Variants in CFAP298 observed in about 807,000 individuals in gnomAD.
CFAP298 encodes the protein cilia and flagella associated protein 298.
CFAP298 carries 38 observed loss-of-function variants against 41.0 expected under a neutral mutation model. The observed-to-expected ratio is 0.93, with a 90% CI of 0.72 to 1.22. The LOEUF is 1.22. Among genes scored for constraint, CFAP298 ranks in the 50% most tolerant of loss-of-function variants. The probability of loss-of-function intolerance (pLI) is 0.00; values close to 1 mark genes in which losing one functional copy is unlikely to be tolerated. For synonymous variants in CFAP298, 137 were observed against 135.3 expected, an observed-to-expected ratio of 1.01 and a Z score of -0.09; for missense variants, 348 against 360.3, an observed-to-expected ratio of 0.97 and a Z score of 0.28.
intron 5 of CFAP298, chr21:32,602,798 C>T: frequency 7.4e-7 from 1 of 1,357,214 alleles, no homozygotes; most frequent in Non-Finnish European, 9.4e-7. Flanking sequence ...TCGAACCTTT[C>T]CTCCTCCCCC....
chr21:32,600,913 CCTT>C lies in CFAP298; in HGVS notation c.*947_*949del, dbSNP rs2038723431. Among the ~76,000 whole-genome samples the C allele has an allele frequency of 6.6e-6, 1 of 152,232 alleles. No individual in the cohort carries two copies. Among genetic ancestry groups the C allele is most frequent in the Admixed American group, 6.5e-5 (1 of 15,278 alleles). Reference sequence around the variant, plus strand: ...AAAGTCAGATGAGTTTGCTACTCAACCTTCATCATGGTTGTAGCTTTCGCTCCC... The same window carrying C: ...AAAGTCAGATGAGTTTGCTACTCAACCATCATGGTTGTAGCTTTCGCTCCC... On this transcript the variant is annotated 3_prime_UTR_variant, in exon 7 of 7. Transcript: ENST00000290155.
At chr21:32,609,536 C>T (rs2038941446) in intron 2 of CFAP298, among the ~76,000 whole-genome samples, 1 of 152,122 alleles carries the variant, frequency 6.6e-6, no homozygotes, top group South Asian at 2.1e-4. Flanking sequence ...AGGCCGAGAC[C>T]GGCAGATCAT....
intron 2 of CFAP298, 140 bp from the exon 3 acceptor site, chr21:32,607,856 A>C (rs2038902387): frequency 1.7e-6 from 1 of 576,082 alleles, no homozygotes; most frequent in Non-Finnish European, 3.0e-6. Context: ...GAAGAGAAGC[A>C]AGAAACCTGG....
Position 32,602,126 on chromosome 21 carries a change from G to C in CFAP298, c.762+146C>G, listed in dbSNP as rs1210585278. On this transcript the variant is annotated intron_variant, in intron 6 of 6. Coordinates refer to ENST00000290155, the MANE Select transcript of CFAP298 (RefSeq NM_021254.4). ...TCTAACACCAGGGGACACCTGGCAGGACCCCGACAGACCTGCAGACAGAAG... is the reference window on the plus strand; with the variant it reads ...TCTAACACCAGGGGACACCTGGCAGCACCCCGACAGACCTGCAGACAGAAG... 11 of 882,992 alleles carry C rather than the reference G, an allele frequency of 1.2e-5. No homozygotes were observed. In the Admixed American group the frequency reaches 2.1e-4, roughly 17 times the overall value. 54.7% of individuals were successfully genotyped at this position (882,992 alleles called of 1,614,324 possible). A position where few individuals can be genotyped will look rare whatever the true frequency, so the allele number is the denominator to read the frequency against.
At position 32,604,239 on chromosome 21, in the gene CFAP298, T is replaced by C. The variant is rs2038817019; in HGVS notation, c.420A>G (p.Lys140=). 1 of 1,614,122 alleles carries C rather than the reference T, an allele frequency of 6.2e-7. No individual in the cohort carries two copies. Among genetic ancestry groups the C allele is most frequent in the East Asian group, 2.2e-5 (1 of 44,862 alleles). Residue 140 remains lysine, a synonymous_variant, in exon 4 of 7, where the codon AAA becomes AAG. Coordinates refer to ENST00000290155, the MANE Select transcript of CFAP298 (RefSeq NM_021254.4). Reference sequence around the variant, plus strand: ...CGCCTCGAAGCTGGTCCAAGGCATCTTTCACCATCTCCATGGTAACACAGA... The same window carrying C: ...CGCCTCGAAGCTGGTCCAAGGCATCCTTCACCATCTCCATGGTAACACAGA... The part of the protein sequence containing the change: ...AGVCVTMEMV[K]DALDQLRGAV...
At position 32,603,305 on chromosome 21, in the gene CFAP298, G is replaced by A. The variant is rs376947377; in HGVS notation, c.535-13C>T. On this transcript the variant is annotated splice_polypyrimidine_tract_variant and intron_variant, in intron 4 of 6. Coordinates refer to ENST00000290155, the MANE Select transcript of CFAP298 (RefSeq NM_021254.4). ...CGTTGAGCCCTGCCTGGGGCCAGTC[G>A]TAAGAATGGCTTGACTGTGTGTTCC... 125 of 1,613,612 alleles carry A rather than the reference G, an allele frequency of 7.7e-5. No homozygotes were observed. The highest frequency in any genetic ancestry group is 7.4e-5 in the Non-Finnish European group (87 of 1,179,926).
rs139726825 is a variant in CFAP298 at position 32,600,576 on chromosome 21, C to CATCTGGGCCATTTCTGGT, written c.*1286_*1287insACCAGAAATGGCCCAGAT. Among the ~76,000 whole-genome samples the CATCTGGGCCATTTCTGGT allele has an allele frequency of 2.0e-5, 3 of 152,196 alleles. No homozygotes were observed. In the South Asian group the frequency reaches 6.2e-4, roughly 32 times the overall value. ...GGCACCAAAAGTCAAGCATGAGGGA[C>CATCTGGGCCATTTCTGGT]TGCCACAGGCAGTCTGGCAGGTGTC... On this transcript the variant is annotated 3_prime_UTR_variant, in exon 7 of 7. Coordinates refer to ENST00000290155, the MANE Select transcript of CFAP298 (RefSeq NM_021254.4).
chr21:32,602,554 C>A, intron 5 of CFAP298, 187 bp from the exon 6 acceptor site: 1 of 1,413,138 alleles, frequency 7.1e-7, no homozygotes, highest in Non-Finnish European at 9.2e-7. Context: ...GCCCTGGACT[C>A]TCACTGTGTG....
At position 32,601,577 on chromosome 21, in the gene CFAP298, G is replaced by C. The variant is rs1425126596; in HGVS notation, c.*286C>G. On this transcript the variant is annotated 3_prime_UTR_variant, in exon 7 of 7. Coordinates refer to ENST00000290155, the MANE Select transcript of CFAP298 (RefSeq NM_021254.4). The stretch of plus-strand genomic sequence containing the variant: ...CTCCCAAAGTGCTGGGATTACAGGC[G>C]TGAGCCACCGCGCCCGGCCAAAAGT... The C allele has an allele frequency of 4.2e-6, 1 of 239,240 alleles. No homozygotes were observed. Among genetic ancestry groups the C allele is most frequent in the Non-Finnish European group, 8.3e-6 (1 of 119,832 alleles). 14.8% of individuals were successfully genotyped at this position (239,240 alleles called of 1,614,324 possible).
Position 32,601,768 on chromosome 21 carries a change from G to A in CFAP298, c.*95C>T, listed in dbSNP as rs1284588983. Reference sequence around the variant, plus strand: ...ACTAGAAATGTTAACATCTTTTACAGAGGGCAGTAAGTGGCCTTTTTTTTT... The same window carrying A: ...ACTAGAAATGTTAACATCTTTTACAAAGGGCAGTAAGTGGCCTTTTTTTTT... On this transcript the variant is annotated 3_prime_UTR_variant, in exon 7 of 7. Coordinates refer to ENST00000290155, the MANE Select transcript of CFAP298 (RefSeq NM_021254.4). 1.1e-5 allele frequency: 7 copies of A among 658,494 alleles called. No individual in the cohort carries two copies. The highest frequency in any genetic ancestry group is 5.1e-5 in the Admixed American group (2 of 38,876). 40.8% of individuals were successfully genotyped at this position (658,494 alleles called of 1,614,324 possible).
rs1307018931 is a variant in CFAP298 at position 32,605,156 on chromosome 21, G to A, written c.376-873C>T. Among the ~76,000 whole-genome samples, 4 of 152,174 alleles carry A rather than the reference G, an allele frequency of 2.6e-5. No homozygotes were observed. In the South Asian group the frequency reaches 6.2e-4, roughly 24 times the overall value. On this transcript the variant is annotated intron_variant, in intron 3 of 6. Transcript: ENST00000290155. ...ATCGTGCCACTGCACTCCAGCTTGG[G>A]CAACAGAATAAGACTCTGCCTCAAA...
In CFAP298 at chr21:32,600,487, C is replaced by T. The variant is rs1177968199; in HGVS notation, c.*1376G>A. Among the ~76,000 whole-genome samples, 4 of 152,214 alleles carry T rather than the reference C, an allele frequency of 2.6e-5. No homozygotes were observed. The highest frequency in any genetic ancestry group is 4.4e-5 in the Non-Finnish European group (3 of 68,038). On this transcript the variant is annotated 3_prime_UTR_variant, in exon 7 of 7. Coordinates refer to ENST00000290155, the MANE Select transcript of CFAP298 (RefSeq NM_021254.4). ...AAGGCCAGGGCAGGAAGATGCCCCG[C>T]GTCCTTCACTTTCCCTCAGTGTGAG...
At position 32,609,929 on chromosome 21, in the gene CFAP298, T is replaced by C; in HGVS notation, c.216A>G (p.Glu72=). The C allele has an allele frequency of 1.2e-6, 2 of 1,614,118 alleles. No homozygotes were observed. Among genetic ancestry groups the C allele is most frequent in the Non-Finnish European group, 1.7e-6 (2 of 1,179,964 alleles). Residue 72 remains glutamate, a synonymous_variant, in exon 2 of 7, where the codon GAA becomes GAG. Coordinates refer to ENST00000290155, the MANE Select transcript of CFAP298 (RefSeq NM_021254.4). The part of the protein sequence containing the change: ...MQGLTDDQIE[E]LKLKDEWGEK... ...CACCCCATTCATCCTTCAATTTCAATTCTTCAATCTGATCATCGGTCAGTC... is the reference window on the plus strand; with the variant it reads ...CACCCCATTCATCCTTCAATTTCAACTCTTCAATCTGATCATCGGTCAGTC...
In CFAP298 at chr21:32,612,199, C is replaced by T. The variant is rs774539689; in HGVS notation, c.45G>A (p.Leu15=). 4 of 1,606,712 alleles carry T rather than the reference C, an allele frequency of 2.5e-6. No homozygotes were observed. Among genetic ancestry groups the T allele is most frequent in the Non-Finnish European group, 3.4e-6 (4 of 1,176,718 alleles). The change falls in exon 1 of 7, where the codon CTG becomes CTA. Residue 15 remains leucine, a synonymous_variant. Transcript: ENST00000290155. The part of the protein sequence containing the change: ...HVKRGDESQF[L]LQAPGSTELE... The stretch of plus-strand genomic sequence containing the variant: ...GCTCGGTACTCCCAGGCGCCTGCAG[C>T]AGGAACTGGCTCTCGTCGCCCCGCT...
At position 32,601,459 on chromosome 21, in the gene CFAP298, G is replaced by A. The variant is rs945525974; in HGVS notation, c.*404C>T. 2.0e-4 allele frequency among the ~76,000 whole-genome samples: 30 copies of A among 151,818 alleles called. No homozygotes were observed. Among genetic ancestry groups the A allele is most frequent in the Non-Finnish European group, 3.4e-4 (23 of 67,934 alleles). On this transcript the variant is annotated 3_prime_UTR_variant, in exon 7 of 7. Transcript: ENST00000290155. ...ACTACAGGCGCCTGCCACCATGCCC[G>A]GCTAATTTTTTGTATTTTTAGTAGA... is the stretch of plus-strand genomic sequence containing the variant.
rs1194383117 is a variant in CFAP298 at position 32,600,507 on chromosome 21, T to C, written c.*1356A>G. Among the ~76,000 whole-genome samples, 1 of 152,178 alleles carries C rather than the reference T, an allele frequency of 6.6e-6. No individual in the cohort carries two copies. Among genetic ancestry groups the C allele is most frequent in the Non-Finnish European group, 1.5e-5 (1 of 68,030 alleles). On this transcript the variant is annotated 3_prime_UTR_variant, in exon 7 of 7. Transcript: ENST00000290155. ...CCCCGCGTCCTTCACTTTCCCTCAG[T>C]GTGAGCACACCAAGTTCCCTCTAAC...
intron 1 of CFAP298, among the ~76,000 whole-genome samples, chr21:32,611,318 C>CATATATATATATATATATATATATATAT (rs71193198): frequency 1.1e-3 from 129 of 114,698 alleles, no homozygotes; most frequent in South Asian, 2.6e-3. Context: ...ACACACATAC[C>CATATATATATATATATATATATATATAT]ATATATATAT....
chr21:32,607,921 T>A (rs1384546488), intron 2 of CFAP298, among the ~76,000 whole-genome samples: 2 of 152,120 alleles, frequency 1.3e-5, no homozygotes, highest in Non-Finnish European at 2.9e-5. Flanking sequence ...GGAGTGTGCT[T>A]TACGCAAAGT....
rs191821279 is a variant in CFAP298, at chr21:32,607,431, T to C, written c.375+218A>G. Among the ~76,000 whole-genome samples the C allele has an allele frequency of 3.4e-3, 517 of 151,934 alleles. 1 individual carries two copies. The highest frequency in any genetic ancestry group is 3.9e-3 in the Non-Finnish European group (264 of 67,942). On this transcript the variant is annotated intron_variant, in intron 3 of 6. Transcript: ENST00000290155. ...CAACATGGAGAAACCCCGTCTCTAC[T>C]AAAAATACAAAATTAGCTCGGCATG... is the stretch of plus-strand genomic sequence containing the variant.
Sources: allele counts gnomAD v4.1 joint callset (sites outside exome capture counted in the v4.1 genomes callset), GRCh38; gene constraint gnomAD v4.1.1; transcripts MANE v1.5; gene names NCBI Gene and HGNC (gene_info 2026-07-23, HGNC 2026-07-21).